Variants in GRM1 observed in about 807,000 individuals in gnomAD.
GRM1 encodes glutamate metabotropic receptor 1.
A neutral mutation model predicts 90.9 loss-of-function variants in GRM1; 33 were observed. The ratio of observed to expected loss-of-function variants is 0.36; its 90% CI spans 0.28 to 0.49. The LOEUF (loss-of-function observed/expected upper bound fraction) is 0.49, where lower values mean the gene tolerates loss of function less well. Ranked by LOEUF, GRM1 falls within the 20% of genes least tolerant of loss-of-function variation. The pLI is 0.99. For synonymous variants in GRM1, 700 were observed against 613.2 expected (o/e 1.14, Z -2.09); for missense variants, 1,190 against 1,534.3 (o/e 0.78, Z 3.75).
At chr6:146,375,517 A>G (rs1279992109) in intron 5 of GRM1, among the ~76,000 whole-genome samples, 1 of 151,850 alleles carries the variant, frequency 6.6e-6, no homozygotes, top group Non-Finnish European at 1.5e-5. Context: ...TCATTATTGT[A>G]TTGGGGCCTG....
At chr6:146,302,096 T>C (rs966820407) in intron 2 of GRM1, among the ~76,000 whole-genome samples, 3 of 151,886 alleles carry the variant, frequency 2.0e-5, no homozygotes, top group Admixed American at 6.6e-5. Flanking sequence ...ATACTAACTC[T>C]TTCTAAGTTC....
At chr6:146,348,729 G>C (rs964413727) in intron 3 of GRM1, among the ~76,000 whole-genome samples, 1 of 152,204 alleles carries the variant, frequency 6.6e-6, no homozygotes, top group Non-Finnish European at 1.5e-5. Context: ...CTTGTAGTCA[G>C]GGAGACAGCT....
At chr6:146,077,328 G>A (rs544357574) in intron 1 of GRM1, among the ~76,000 whole-genome samples, 1 of 152,280 alleles carries the variant, frequency 6.6e-6, no homozygotes, top group East Asian at 1.9e-4. Flanking sequence ...TATTTGGATG[G>A]GGCACTTCCT....
At chr6:146,124,093 A>G (rs1280830018) in intron 1 of GRM1, among the ~76,000 whole-genome samples, 2 of 152,198 alleles carry the variant, frequency 1.3e-5, no homozygotes, top group Non-Finnish European at 1.5e-5. Context: ...ATGTTTGTAC[A>G]CGTATTTCTA....
intron 2 of GRM1, among the ~76,000 whole-genome samples, chr6:146,209,505 T>C (rs1465259574): frequency 6.6e-6 from 1 of 152,150 alleles, no homozygotes; most frequent in Non-Finnish European, 1.5e-5. Context: ...TGACAGTCCA[T>C]GGTGGCTTCA....
At chr6:146,336,325 A>G (rs546141639) in intron 3 of GRM1, among the ~76,000 whole-genome samples, 3 of 152,314 alleles carry the variant, frequency 2.0e-5, no homozygotes, top group African/African-American at 7.2e-5. Context: ...GAGGAGAGGA[A>G]GTAAGCTAAG....
chr6:146,149,471 T>G (rs1562493556), intron 1 of GRM1, among the ~76,000 whole-genome samples: 1 of 152,222 alleles, frequency 6.6e-6, no homozygotes, highest in Non-Finnish European at 1.5e-5. Flanking sequence ...TCCCTGCACT[T>G]TTCTTTGTTC....
intron 1 of GRM1, among the ~76,000 whole-genome samples, chr6:146,128,325 T>C (rs748145747): frequency 5.3e-5 from 8 of 152,088 alleles, no homozygotes; most frequent in Non-Finnish European, 8.8e-5. Context: ...AATAATAGGA[T>C]ATGTTTATCA....
intron 5 of GRM1, among the ~76,000 whole-genome samples, chr6:146,359,539 C>A (rs1775380181): frequency 6.6e-6 from 1 of 152,170 alleles, no homozygotes; most frequent in African/African-American, 2.4e-5. Context: ...AAAAATAAAA[C>A]CTGGCAGGAG....
In GRM1 at chr6:146,352,305, C is replaced by T. The variant is rs767360348; in HGVS notation, c.1242C>T (p.Ile414=). The change falls in exon 4 of 8, where the codon ATC becomes ATT. Residue 414 remains isoleucine, a synonymous_variant. Coordinates refer to ENST00000282753, the MANE Select transcript of GRM1 (RefSeq NM_001278064.2). ...YVQDSKMGFV[I]NAIYAMAHGL... is the part of the protein sequence containing the mutation. ...AGGACAGTAAGATGGGGTTTGTCATCAATGCCATCTATGCCATGGCACATG... is the reference window on the plus strand; with the variant it reads ...AGGACAGTAAGATGGGGTTTGTCATTAATGCCATCTATGCCATGGCACATG... 6.2e-7 allele frequency: 1 copy of T among 1,612,598 alleles called. No individual in the cohort carries two copies. The highest frequency in any genetic ancestry group is 8.5e-7 in the Non-Finnish European group (1 of 1,178,568).
intron 1 of GRM1, among the ~76,000 whole-genome samples, chr6:146,052,213 A>G (rs1582931426): frequency 6.6e-6 from 1 of 152,108 alleles, no homozygotes; most frequent in African/African-American, 2.4e-5. Flanking sequence ...CTGTAACCAA[A>G]CTTTCCTCAA....
At chr6:146,296,510 A>G (rs1206866260) in intron 2 of GRM1, among the ~76,000 whole-genome samples, 4 of 152,234 alleles carry the variant, frequency 2.6e-5, no homozygotes, top group Admixed American at 1.3e-4. Context: ...ATACACTGCT[A>G]GAACTTATTC....
intron 2 of GRM1, among the ~76,000 whole-genome samples, chr6:146,252,688 T>A (rs1479870991): frequency 1.3e-5 from 2 of 152,112 alleles, no homozygotes; most frequent in Non-Finnish European, 2.9e-5. Context: ...GAAGTGGAAA[T>A]TTTACGTAGT....
intron 3 of GRM1, among the ~76,000 whole-genome samples, chr6:146,326,026 T>G (rs544135200): frequency 6.6e-6 from 1 of 152,298 alleles, no homozygotes; most frequent in Non-Finnish European, 1.5e-5. Flanking sequence ...TATTAGAACA[T>G]AAGTGTTGGA....
intron 2 of GRM1, among the ~76,000 whole-genome samples, chr6:146,203,872 A>C (rs1002045540): frequency 2.0e-5 from 3 of 152,222 alleles, no homozygotes; most frequent in Non-Finnish European, 4.4e-5. Context: ...TTGGAGCATT[A>C]ATTGCTGTCA....
intron 1 of GRM1, among the ~76,000 whole-genome samples, chr6:146,079,978 T>C (rs1179692089): frequency 6.6e-6 from 1 of 152,228 alleles, no homozygotes; most frequent in East Asian, 1.9e-4. Context: ...CTTGGAAGGC[T>C]TTCAGAATTC....
rs1011376785 is a variant in GRM1, at chr6:146,436,777, G to A, written c.*1981G>A. 1.3e-5 allele frequency: 2 copies of A among 152,416 alleles called. No individual in the cohort carries two copies. The highest frequency in any genetic ancestry group is 2.9e-5 in the Non-Finnish European group (2 of 67,982). 9.4% of individuals were successfully genotyped at this position (152,416 alleles called of 1,614,324 possible). On this transcript the variant is annotated 3_prime_UTR_variant, in exon 8 of 8. Transcript: ENST00000282753. ...TTAAATATCTTTGTTTATGCCTTATGTTCAGTCATATTTTAATATGCTTCC... is the reference window on the plus strand; with the variant it reads ...TTAAATATCTTTGTTTATGCCTTATATTCAGTCATATTTTAATATGCTTCC...
At chr6:146,382,792 T>G (rs564626810) in intron 5 of GRM1, among the ~76,000 whole-genome samples, 14 of 152,104 alleles carry the variant, frequency 9.2e-5, no homozygotes, top group Non-Finnish European at 1.3e-4. Flanking sequence ...CAACACTCAT[T>G]TATTGGCTGT....
At chr6:146,046,460 C>T (rs990543171) in intron 1 of GRM1, among the ~76,000 whole-genome samples, 6 of 151,996 alleles carry the variant, frequency 3.9e-5, no homozygotes, top group African/African-American at 1.4e-4. Context: ...TTTCTCTCTA[C>T]AGCCTCTGAA....
Sources: allele counts gnomAD v4.1 joint callset (sites outside exome capture counted in the v4.1 genomes callset), GRCh38; gene constraint gnomAD v4.1.1; transcripts MANE v1.5; gene names NCBI Gene and HGNC (gene_info 2026-07-23, HGNC 2026-07-21).